Variants in MAST2 observed in about 807,000 individuals in gnomAD.
MAST2 encodes microtubule associated serine/threonine kinase 2, also known as microtubule-associated serine/threonine-protein kinase 2.
A neutral mutation model predicts 147.4 loss-of-function variants in MAST2; 70 were observed. The observed-to-expected ratio is 0.47, with a 90% CI of 0.39 to 0.58. MAST2 has a LOEUF of 0.58. Among genes scored for constraint, MAST2 ranks in the 20% least tolerant of loss-of-function variants. MAST2 has a pLI of 0.00. For synonymous variants in MAST2, 869 were observed against 896.8 expected (o/e 0.97, Z 0.55); for missense variants, 2,080 against 2,302.3 (o/e 0.90, Z 1.98).
At chr1:45,815,536 T>C (rs2148660994) in intron 1 of MAST2, among the ~76,000 whole-genome samples, 1 of 152,258 alleles carries the variant, frequency 6.6e-6, no homozygotes, top group East Asian at 1.9e-4. Context: ...TAGTTGTTAA[T>C]AGTTTTTTTT....
intron 4 of MAST2, among the ~76,000 whole-genome samples, chr1:45,915,299 C>G (rs921784261): frequency 4.6e-5 from 7 of 152,112 alleles, no homozygotes; most frequent in Non-Finnish European, 8.8e-5. Context: ...GAAAAATACC[C>G]CCTGAGGAGC....
chr1:45,960,031 A>G (rs1016653142), intron 5 of MAST2, among the ~76,000 whole-genome samples: 1 of 152,074 alleles, frequency 6.6e-6, no homozygotes, highest in African/African-American at 2.4e-5. Context: ...TCATCCTCCA[A>G]AGTACTGGGA....
rs772495090 is a variant in MAST2, at chr1:45,912,416, TC to T, written c.500+30022del. On this transcript the variant is annotated intron_variant, in intron 4 of 28. Transcript: ENST00000361297. ...TGCTGTGTGCGAAGGACTAATATTT[TC>T]TTTTCTATTCTATTTCATTTGTATA... Among the ~76,000 whole-genome samples the T allele has an allele frequency of 1.7e-3, 255 of 152,354 alleles. 1 individual carries two copies. Among genetic ancestry groups the T allele is most frequent in the Middle Eastern group, 3.4e-3 (1 of 294 alleles).
chr1:45,924,504 AG>A (rs989659821), intron 4 of MAST2, among the ~76,000 whole-genome samples: 59 of 152,248 alleles, frequency 3.9e-4, no homozygotes, highest in Middle Eastern at 3.4e-3. Flanking sequence ...GGGGACTTCC[AG>A]GGGCGGGTTC....
chr1:45,810,125 A>G (rs928006982), intron 1 of MAST2, among the ~76,000 whole-genome samples: 1 of 152,222 alleles, frequency 6.6e-6, no homozygotes, highest in African/African-American at 2.4e-5. Context: ...CTCAGTCATT[A>G]TTTATTGAAT....
chr1:45,951,136 G>C (rs925591928), intron 4 of MAST2, among the ~76,000 whole-genome samples: 3 of 151,950 alleles, frequency 2.0e-5, no homozygotes, highest in African/African-American at 7.3e-5. Flanking sequence ...GGTGAGGATT[G>C]CTTGTGTCAG....
At chr1:46,015,264 A>T (rs1645887371) in intron 10 of MAST2, among the ~76,000 whole-genome samples, 2 of 152,156 alleles carry the variant, frequency 1.3e-5, no homozygotes, top group Non-Finnish European at 2.9e-5. Context: ...CAATTAAAAG[A>T]ACTAGAAAAG....
chr1:46,000,644 A>G (rs1486410026), intron 6 of MAST2, among the ~76,000 whole-genome samples: 3 of 152,170 alleles, frequency 2.0e-5, no homozygotes, highest in Admixed American at 6.5e-5. Context: ...CTTATACAAC[A>G]TAGTAAGAAA....
intron 5 of MAST2, among the ~76,000 whole-genome samples, chr1:45,975,387 G>A (rs1414951669): frequency 1.3e-5 from 2 of 150,098 alleles, no homozygotes; most frequent in East Asian, 4.0e-4. Context: ...GCCTGGATAC[G>A]ATGGCTCACT....
chr1:46,032,814 A>AC (rs2149344560), intron 26 of MAST2, 96 bp downstream of exon 26: 1 of 1,491,930 alleles, frequency 6.7e-7, no homozygotes, highest in East Asian at 2.3e-5. Context: ...GGGTGCACAC[A>AC]CATCTACACC....
At chr1:45,888,500 CTA>C (rs1309227686) in intron 4 of MAST2, among the ~76,000 whole-genome samples, 1 of 151,352 alleles carries the variant, frequency 6.6e-6, no homozygotes, top group Non-Finnish European at 1.5e-5. Context: ...GTAGCTGGGA[CTA>C]CAGGCCCCCA....
intron 4 of MAST2, among the ~76,000 whole-genome samples, chr1:45,947,882 A>G (rs986846707): frequency 6.6e-6 from 1 of 152,116 alleles, no homozygotes; most frequent in African/African-American, 2.4e-5. Flanking sequence ...ACACCCGGCT[A>G]ATTTTTTGTA....
intron 4 of MAST2, among the ~76,000 whole-genome samples, chr1:45,912,552 T>G (rs1651844057): frequency 6.6e-6 from 1 of 152,342 alleles, no homozygotes; most frequent in Middle Eastern, 3.4e-3. Flanking sequence ...GAAAAAGCAC[T>G]GGTTTGCCTA....
chr1:45,926,431 C>T (rs1418897884), intron 4 of MAST2, among the ~76,000 whole-genome samples: 3 of 119,300 alleles, frequency 2.5e-5, no homozygotes, highest in African/African-American at 9.1e-5. Flanking sequence ...ATATTGCCTA[C>T]CATATGTCCA....
At chr1:45,953,338 C>T (rs990721048) in intron 4 of MAST2, among the ~76,000 whole-genome samples, 3 of 152,114 alleles carry the variant, frequency 2.0e-5, no homozygotes, top group East Asian at 1.9e-4. Context: ...GCTGCCCTTG[C>T]GGGGAATTCT....
chr1:45,934,824 C>T (rs933025931), intron 4 of MAST2, among the ~76,000 whole-genome samples: 3 of 152,112 alleles, frequency 2.0e-5, no homozygotes, highest in Admixed American at 2.0e-4. Flanking sequence ...AATTTGATTC[C>T]GTGTCTTTGC....
chr1:45,916,210 T>A (rs1652481030), intron 4 of MAST2, among the ~76,000 whole-genome samples: 1 of 152,230 alleles, frequency 6.6e-6, no homozygotes, highest in Admixed American at 6.5e-5. Context: ...GTATCCATAT[T>A]ATAAACAGTC....
chr1:45,993,815 C>T (rs1011523452), intron 5 of MAST2, among the ~76,000 whole-genome samples: 1 of 152,110 alleles, frequency 6.6e-6, no homozygotes, highest in East Asian at 1.9e-4. Flanking sequence ...TTTGGGGGTT[C>T]CCAGGTCACC....
chr1:45,878,285 G>A (rs1163085481), intron 3 of MAST2, among the ~76,000 whole-genome samples: 1 of 151,218 alleles, frequency 6.6e-6, no homozygotes, highest in East Asian at 1.9e-4. Context: ...ACTGTAATTT[G>A]CCACATTAAC....
Sources: gnomAD v4.1 joint callset for allele counts (sites outside exome capture counted in the v4.1 genomes callset) on GRCh38, gnomAD v4.1.1 for gene constraint, MANE v1.5 for transcripts, NCBI Gene and HGNC (gene_info 2026-07-23, HGNC 2026-07-21) for gene names.